The following TEX15 variants were observed in gnomAD, a reference collection of about 807,000 sequenced individuals.
TEX15 encodes the protein testis-expressed protein 15.
TEX15 carries 171 observed loss-of-function variants against 237.3 expected under a neutral mutation model. That is an observed-to-expected ratio of 0.72 (90% CI 0.64 to 0.82). TEX15 has a LOEUF of 0.82. Ranked by LOEUF, TEX15 falls within the 40% of genes least tolerant of loss-of-function variation. The probability of loss-of-function intolerance (pLI) is 0.00; values close to 1 mark genes in which losing one functional copy is unlikely to be tolerated. For missense variants in TEX15, 3,750 were observed against 3,646.5 expected (o/e 1.03, Z -0.73); for synonymous variants, 1,338 against 1,269.8 (o/e 1.05, Z -1.14).
intron 3 of TEX15, among the ~76,000 whole-genome samples, chr8:30,876,447 C>G (rs971083733): frequency 6.6e-6 from 1 of 152,132 alleles, no homozygotes; most frequent in Non-Finnish European, 1.5e-5. Flanking sequence ...ATGCTGCCCA[C>G]TATGTTTTTT....
Position 30,885,564 on chromosome 8 carries a change from T to C in TEX15, c.136+1603A>G, listed in dbSNP as rs6991409. Among the ~76,000 whole-genome samples, 262 of 152,328 alleles carry C rather than the reference T, an allele frequency of 1.7e-3. 2 individuals carry two copies. Among genetic ancestry groups the C allele is most frequent in the African/African-American group, 6.0e-3 (251 of 41,574 alleles). On this transcript the variant is annotated intron_variant, in intron 3 of 10. Coordinates refer to ENST00000643185, the MANE Select transcript of TEX15 (RefSeq NM_001350162.2). ...TATCAGTAGTGTGAAAATGGATTAA[T>C]ACATGGTCTGAGAGGTGACTGTATG... is the stretch of plus-strand genomic sequence containing the variant.
chr8:30,882,881 C>T (rs920820052), intron 3 of TEX15, among the ~76,000 whole-genome samples: 1 of 152,126 alleles, frequency 6.6e-6, no homozygotes, highest in Non-Finnish European at 1.5e-5. Context: ...AAGTGATCCT[C>T]CCACCTCAGC....
At chr8:30,912,208 C>G (rs1037119688) in intron 1 of TEX15, among the ~76,000 whole-genome samples, 15 of 152,180 alleles carry the variant, frequency 9.9e-5, no homozygotes, top group Non-Finnish European at 1.9e-4. Flanking sequence ...ATGGTCCGAG[C>G]GCGGGCTCTG....
chr8:30,874,387 A>C (rs1465612492), intron 4 of TEX15, among the ~76,000 whole-genome samples: 1 of 152,186 alleles, frequency 6.6e-6, no homozygotes, highest in Non-Finnish European at 1.5e-5. Context: ...TACAATGAGA[A>C]CTTTGCATAT....
At position 30,844,411 on chromosome 8, in the gene TEX15, A is replaced by G; in HGVS notation, c.5756T>C (p.Leu1919Pro). 1 of 1,611,058 alleles carries G rather than the reference A, an allele frequency of 6.2e-7. No homozygotes were observed. The highest frequency in any genetic ancestry group is 8.5e-7 in the Non-Finnish European group (1 of 1,178,872). ...VPLKNTVSNPLNKREKKGEIK... is the reference protein window; with the variant it reads ...VPLKNTVSNPPNKREKKGEIK... ...TTCCCCCTTCTTCTCTCTTTTGTTA[A>G]GCGGATTAGAAACTGTGTTCTTCAA... is the stretch of plus-strand genomic sequence containing the variant. The change falls in exon 8 of 11, where the codon CTT becomes CCT. Residue 1919 changes from leucine to proline, a missense_variant. Coordinates refer to ENST00000643185, the MANE Select transcript of TEX15 (RefSeq NM_001350162.2).
In TEX15 at chr8:30,837,000, TGA is replaced by T. The variant is rs1270147736; in HGVS notation, c.9282_9283del (p.Gln3095IlefsTer29). On this transcript the variant is annotated frameshift_variant, in exon 10 of 11. Transcript: ENST00000643185. LOFTEE classifies it high-confidence loss of function. ...CTCCCCCGCAAAATAAGTAAAATAT[TGA>T]GAGTACAGAAGATTAGAATGTGTGC... 4 of 1,613,946 alleles carry T rather than the reference TGA, an allele frequency of 2.5e-6. No homozygotes were observed. In the African/African-American group the frequency reaches 5.3e-5, roughly 22 times the overall value.
intron 8 of TEX15, among the ~76,000 whole-genome samples, chr8:30,840,288 T>C (rs937076253): frequency 6.6e-6 from 1 of 151,936 alleles, no homozygotes; most frequent in African/African-American, 2.4e-5. Context: ...CTCCGCCTAC[T>C]GGGTGCAAGC....
intron 2 of TEX15, among the ~76,000 whole-genome samples, chr8:30,898,036 G>A (rs1223919818): frequency 6.6e-6 from 1 of 152,084 alleles, no homozygotes; most frequent in Non-Finnish European, 1.5e-5. Flanking sequence ...TGTTCTAAGC[G>A]ATATTTGCAT....
intron 5 of TEX15, among the ~76,000 whole-genome samples, chr8:30,862,829 T>C (rs1315067433): frequency 6.6e-6 from 1 of 152,184 alleles, no homozygotes; most frequent in Non-Finnish European, 1.5e-5. Context: ...CCAGAATAAA[T>C]CTTAACCAAT....
At chr8:30,855,807 T>G (rs921755655) in intron 7 of TEX15, among the ~76,000 whole-genome samples, 3 of 152,140 alleles carry the variant, frequency 2.0e-5, no homozygotes, top group African/African-American at 4.8e-5. Flanking sequence ...GAAAACATTG[T>G]TAAGTGAAAG....
At position 30,846,683 on chromosome 8, in the gene TEX15, T is replaced by C; in HGVS notation, c.3484A>G (p.Asn1162Asp). The change falls in exon 8 of 11, where the codon AAT becomes GAT. Residue 1162 changes from asparagine to aspartate, a missense_variant. By Grantham distance (23) the Asn-to-Asp change is conservative. Coordinates refer to ENST00000643185, the MANE Select transcript of TEX15 (RefSeq NM_001350162.2). ...LLPDLQIKIT[N>D]IFRPGFSPTA... ...GGGCTGAATCCTGGCCTAAATATAT[T>C]AGTAATTTTAATTTGTAGATCTGGA... 6.2e-7 allele frequency: 1 copy of C among 1,613,618 alleles called. No homozygotes were observed. Among genetic ancestry groups the C allele is most frequent in the Non-Finnish European group, 8.5e-7 (1 of 1,179,706 alleles).
chr8:30,845,233 G>A lies in TEX15; in HGVS notation c.4934C>T (p.Ala1645Val), dbSNP rs115550830. 4.6e-5 allele frequency: 74 copies of A among 1,613,276 alleles called. No homozygotes were observed. Among genetic ancestry groups the A allele is most frequent in the Non-Finnish European group, 5.8e-5 (69 of 1,179,496 alleles). Residue 1645 changes from alanine to valine, a missense_variant, in exon 8 of 11, where the codon GCG (alanine) becomes GTG (valine). Transcript: ENST00000643185. The stretch of plus-strand genomic sequence containing the variant: ...GACTGATATAAGTACGTCAGTTTTC[G>A]CCTTTGTGTGACCTATGCAAGTTGC... Reference protein sequence around the residue: ...CDATCIGHTKAKTDVLISVLD... With the variant: ...CDATCIGHTKVKTDVLISVLD...
At chr8:30,908,199 C>T (rs574651034) in intron 1 of TEX15, among the ~76,000 whole-genome samples, 3 of 152,252 alleles carry the variant, frequency 2.0e-5, no homozygotes, top group East Asian at 3.9e-4. Flanking sequence ...GCTGGAATTG[C>T]AGGCATGAGC....
At chr8:30,901,815 G>C (rs2128779237) in intron 1 of TEX15, among the ~76,000 whole-genome samples, 1 of 152,280 alleles carries the variant, frequency 6.6e-6, no homozygotes, top group East Asian at 1.9e-4. Context: ...CTTAACTTCT[G>C]GAATATGGAA....
In TEX15 at chr8:30,860,980, C is replaced by T. The variant is rs189571983; in HGVS notation, c.541-923G>A. ...ATGATGGAACAGGACAAGTGACTTG[C>T]AATTACACATATAAAAACATTTTTA... On this transcript the variant is annotated intron_variant, in intron 5 of 10. Transcript: ENST00000643185. 2.6e-4 allele frequency among the ~76,000 whole-genome samples: 39 copies of T among 151,270 alleles called. 1 individual carries two copies. The East Asian group carries it at 6.4e-3, about 25-fold the overall frequency.
At chr8:30,885,748 G>T (rs1808634070) in intron 3 of TEX15, among the ~76,000 whole-genome samples, 1 of 152,148 alleles carries the variant, frequency 6.6e-6, no homozygotes, top group African/African-American at 2.4e-5. Context: ...GTGTTGCTGA[G>T]TTCAACTATG....
In TEX15 at chr8:30,847,803, T is replaced by TGAA; in HGVS notation, c.2363_2364insTTC (p.Ile788_Glu789insSer). 6.2e-7 allele frequency: 1 copy of TGAA among 1,613,892 alleles called. No individual in the cohort carries two copies. The highest frequency in any genetic ancestry group is 8.5e-7 in the Non-Finnish European group (1 of 1,179,950). On this transcript the variant is annotated inframe_insertion, in exon 8 of 11. Transcript: ENST00000643185. ...AATTTGAACTGTCATGAGCTGTTTC[T>TGAA]ATGTTATAAGATGAAATAACTGTAT...
At chr8:30,890,808 TA>T (rs1379509024) in intron 2 of TEX15, among the ~76,000 whole-genome samples, 1 of 152,172 alleles carries the variant, frequency 6.6e-6, no homozygotes, top group African/African-American at 2.4e-5. Context: ...ACTTGGTAAA[TA>T]AAAATAGAAC....
chr8:30,877,617 T>G (rs1338078467), intron 3 of TEX15, among the ~76,000 whole-genome samples: 1 of 152,176 alleles, frequency 6.6e-6, no homozygotes. Flanking sequence ...TTTGATAGTT[T>G]TATAACATGA....
Sources: gnomAD v4.1 joint callset for allele counts (sites outside exome capture counted in the v4.1 genomes callset) on GRCh38, gnomAD v4.1.1 for gene constraint, MANE v1.5 for transcripts, NCBI Gene and HGNC (gene_info 2026-07-23, HGNC 2026-07-21) for gene names.